Variants in MFHAS1 observed in about 807,000 individuals in gnomAD.
MFHAS1 encodes the protein malignant fibrous histiocytoma-amplified sequence 1.
In MFHAS1, 50 loss-of-function variants were observed where a neutral mutation model predicts 70.4. The observed-to-expected ratio is 0.71, with a 90% confidence interval of 0.57 to 0.90. MFHAS1 has a LOEUF of 0.90. Ranked by LOEUF, MFHAS1 falls within the 40% of genes least tolerant of loss-of-function variation. MFHAS1 has a pLI of 0.00. For missense variants in MFHAS1, 1,795 were observed against 1,347.6 expected (o/e 1.33, Z -5.20); for synonymous variants, 952 against 620.0 (o/e 1.54, Z -7.96).
intron 1 of MFHAS1, among the ~76,000 whole-genome samples, chr8:8,838,283 A>G (rs189039048): frequency 6.6e-6 from 1 of 152,320 alleles, no homozygotes; most frequent in East Asian, 1.9e-4. Flanking sequence ...AGAGGCAGAA[A>G]GCAACCCCAG....
chr8:8,872,480 C>T (rs1809115671), intron 1 of MFHAS1, among the ~76,000 whole-genome samples: 1 of 152,182 alleles, frequency 6.6e-6, no homozygotes, highest in African/African-American at 2.4e-5. Flanking sequence ...TGGAAACAGT[C>T]ATCTGGCTTT....
intron 1 of MFHAS1, among the ~76,000 whole-genome samples, chr8:8,821,387 G>C (rs3827809): frequency 0.78 from 119,339 of 152,204 alleles, 46,926 homozygotes; most frequent in South Asian, 0.91. Context: ...CAGAATGCAA[G>C]TAAGTATGTA....
At chr8:8,787,144 A>C (rs867761905) in intron 2 of MFHAS1, among the ~76,000 whole-genome samples, 4 of 151,308 alleles carry the variant, frequency 2.6e-5, no homozygotes, top group South Asian at 2.1e-4. Context: ...GCAGTGGCGC[A>C]ATCTCGGCTC....
At chr8:8,888,623 G>T (rs1563222216) in intron 1 of MFHAS1, among the ~76,000 whole-genome samples, 1 of 152,058 alleles carries the variant, frequency 6.6e-6, no homozygotes, top group Non-Finnish European at 1.5e-5. Flanking sequence ...AATTAACCAG[G>T]CTCAAAAGAA....
intron 1 of MFHAS1, among the ~76,000 whole-genome samples, chr8:8,888,579 G>A (rs1809861361): frequency 6.6e-6 from 1 of 151,932 alleles, no homozygotes; most frequent in Non-Finnish European, 1.5e-5. Context: ...ATGAGGAAAT[G>A]GACACGTTCC....
intron 1 of MFHAS1, among the ~76,000 whole-genome samples, chr8:8,830,435 A>C (rs751333923): frequency 2.7e-4 from 41 of 152,228 alleles, no homozygotes; most frequent in Non-Finnish European, 3.5e-4. Context: ...AGAGAATACA[A>C]GTAAAAGAGA....
At chr8:8,845,780 G>C (rs1475361408) in intron 1 of MFHAS1, among the ~76,000 whole-genome samples, 1 of 152,022 alleles carries the variant, frequency 6.6e-6, no homozygotes, top group Non-Finnish European at 1.5e-5. Flanking sequence ...AACTAAATGG[G>C]TCCCACACCC....
chr8:8,801,544 A>G (rs1413310817), intron 1 of MFHAS1, among the ~76,000 whole-genome samples: 2 of 152,252 alleles, frequency 1.3e-5, no homozygotes, highest in East Asian at 3.8e-4. Flanking sequence ...CAGTTCCTAG[A>G]TTAAGAACAT....
intron 1 of MFHAS1, among the ~76,000 whole-genome samples, chr8:8,882,502 C>T (rs766130785): frequency 6.6e-6 from 1 of 152,132 alleles, no homozygotes; most frequent in Non-Finnish European, 1.5e-5. Context: ...ATCCCAGCTA[C>T]TCAGGAGGCT....
chr8:8,853,606 G>A (rs894347796), intron 1 of MFHAS1, among the ~76,000 whole-genome samples: 4 of 151,934 alleles, frequency 2.6e-5, no homozygotes, highest in Admixed American at 6.6e-5. Context: ...TTGTTCTGTC[G>A]CCCAGGCTGG....
intron 1 of MFHAS1, among the ~76,000 whole-genome samples, chr8:8,855,874 A>G (rs1808419680): frequency 6.6e-6 from 1 of 152,256 alleles, no homozygotes; most frequent in South Asian, 2.1e-4. Flanking sequence ...AAAAAACAAA[A>G]AATTATGCTT....
intron 1 of MFHAS1, among the ~76,000 whole-genome samples, chr8:8,852,189 CCA>C (rs1808271306): frequency 6.6e-6 from 1 of 152,074 alleles, no homozygotes; most frequent in Non-Finnish European, 1.5e-5. Flanking sequence ...TTAAAACATA[CCA>C]CAATGTCCAG....
At chr8:8,859,497 T>A (rs332034) in intron 1 of MFHAS1, among the ~76,000 whole-genome samples, 317 of 152,206 alleles carry the variant, frequency 2.1e-3, no homozygotes, top group African/African-American at 7.4e-3. Context: ...GCTGGTCTAC[T>A]TATATGACAG....
intron 1 of MFHAS1, among the ~76,000 whole-genome samples, chr8:8,843,828 C>A (rs1042877816): frequency 2.0e-5 from 3 of 152,202 alleles, no homozygotes; most frequent in African/African-American, 7.2e-5. Flanking sequence ...TTAACTTTTA[C>A]GCTAAGGTCC....
chr8:8,785,822 C>G lies in MFHAS1; in HGVS notation c.*200G>C, dbSNP rs1451739255. 1.9e-6 allele frequency: 1 copy of G among 537,000 alleles called. No homozygotes were observed. The highest frequency in any genetic ancestry group is 1.9e-5 in the African/African-American group (1 of 52,584). 33.3% of individuals were successfully genotyped at this position (537,000 alleles called of 1,614,324 possible). ...AGGTTCAGGTTGTAAAACATTTGCT[C>G]CATGTTCTCGTCCATGCTTCCCCCC... On this transcript the variant is annotated 3_prime_UTR_variant, in exon 3 of 3. Coordinates refer to ENST00000276282, the MANE Select transcript of MFHAS1 (RefSeq NM_004225.3).
intron 1 of MFHAS1, among the ~76,000 whole-genome samples, chr8:8,826,447 G>A (rs2117314038): frequency 6.6e-6 from 1 of 152,254 alleles, no homozygotes; most frequent in South Asian, 2.1e-4. Context: ...GTAAGCAGAA[G>A]TTGGGCCAGG....
rs377719397 is a variant in MFHAS1, at chr8:8,873,342, C to A, written c.2998+16719G>T. On this transcript the variant is annotated intron_variant, in intron 1 of 2. Transcript: ENST00000276282. ...GCATGAAATGAAGGATTTTAAAGAC[C>A]AAACACTTCAATGAGTCCTGTGAAA... is the stretch of plus-strand genomic sequence containing the variant. Among the ~76,000 whole-genome samples the A allele has an allele frequency of 5.7e-4, 87 of 152,174 alleles. 1 individual carries two copies. Among genetic ancestry groups the A allele is most frequent in the African/African-American group, 2.0e-3 (84 of 41,502 alleles).
chr8:8,856,673 G>C (rs1474785440), intron 1 of MFHAS1, among the ~76,000 whole-genome samples: 1 of 152,070 alleles, frequency 6.6e-6, no homozygotes, highest in Non-Finnish European at 1.5e-5. Context: ...AAATGAAATT[G>C]GTCTTTTATT....
chr8:8,870,196 G>C (rs1039731430), intron 1 of MFHAS1, among the ~76,000 whole-genome samples: 4 of 150,494 alleles, frequency 2.7e-5, no homozygotes, highest in Non-Finnish European at 4.4e-5. Flanking sequence ...GGTTCAACCT[G>C]TAATCCCAGC....
Sources: gnomAD v4.1 joint callset for allele counts (sites outside exome capture counted in the v4.1 genomes callset) on GRCh38, gnomAD v4.1.1 for gene constraint, MANE v1.5 for transcripts, NCBI Gene and HGNC (gene_info 2026-07-23, HGNC 2026-07-21) for gene names.